DUOX1: variants seen among roughly 807,000 people sequenced by gnomAD.
DUOX1 encodes dual oxidase 1, also known as NADPH thyroid oxidase 1.
Under a neutral mutation model 181.8 loss-of-function variants are expected in DUOX1, and 134 were observed. The ratio of observed to expected loss-of-function variants is 0.74; its 90% CI spans 0.64 to 0.85. The LOEUF (loss-of-function observed/expected upper bound fraction) is 0.85. Ranked by LOEUF, DUOX1 falls within the 40% of genes least tolerant of loss-of-function variation. The pLI is 0.00. For missense variants in DUOX1, 1,814 were observed against 2,064.4 expected (o/e 0.88, Z 2.35); for synonymous variants, 798 against 832.5 (o/e 0.96, Z 0.71).
At chr15:45,139,998 C>CTGG in intron 12 of DUOX1, 1 of 1,101,048 alleles carries the variant, frequency 9.1e-7, no homozygotes, top group Non-Finnish European at 1.3e-6. Context: ...ACCACCTGGA[C>CTGG]TGGTGGCCCA....
intron 28 of DUOX1, among the ~76,000 whole-genome samples, chr15:45,158,072 GC>G (rs1897007194): frequency 6.6e-6 from 1 of 152,194 alleles, no homozygotes; most frequent in Non-Finnish European, 1.5e-5. Flanking sequence ...GGCAGGGCTA[GC>G]ACATCAGAGG....
chr15:45,139,712 G>C, intron 12 of DUOX1, 113 bp downstream of exon 12: 1 of 1,178,294 alleles, frequency 8.5e-7, no homozygotes, highest in Non-Finnish European at 1.2e-6. Flanking sequence ...CCTAATGGGA[G>C]GGGCAGGGCT....
At chr15:45,132,062 G>A in intron 2 of DUOX1, 38 bp downstream of exon 2, 3 of 1,553,980 alleles carry the variant, frequency 1.9e-6, no homozygotes, top group Non-Finnish European at 2.6e-6. Flanking sequence ...GTTAGGAGCA[G>A]AGGAACCCAG....
In DUOX1 at chr15:45,161,766, C is replaced by T; in HGVS notation, c.3885C>T (p.Pro1295=). Residue 1295 remains proline (P), a synonymous_variant, in exon 30 of 34, where the codon CCC becomes CCT. Coordinates refer to ENST00000389037, the MANE Select transcript of DUOX1 (RefSeq NM_175940.3). ...SGVTHLRFQR[P]QGFEYKSGQW... is the part of the protein sequence containing the mutation. ...TGACCCACCTGCGGTTCCAGCGGCC[C>T]CAGGGCTTTGAGTACAAGTCAGGGC... 6.2e-7 allele frequency: 1 copy of T among 1,613,920 alleles called. No individual in the cohort carries two copies. Among genetic ancestry groups the T allele is most frequent in the Non-Finnish European group, 8.5e-7 (1 of 1,180,002 alleles).
At chr15:45,161,607 A>C in intron 29 of DUOX1, 131 bp from the exon 30 acceptor site, 1 of 796,366 alleles carries the variant, frequency 1.3e-6, no homozygotes, top group South Asian at 1.7e-5. Context: ...CCACAGGGTG[A>C]GCTTCTGATG....
chr15:45,159,968 A>G (rs1194849787), intron 28 of DUOX1, among the ~76,000 whole-genome samples: 1 of 152,196 alleles, frequency 6.6e-6, no homozygotes, highest in African/African-American at 2.4e-5. Flanking sequence ...CCTGGCCAAC[A>G]TGGTGAAACC....
chr15:45,132,787 T>A (rs1896186646), intron 2 of DUOX1, among the ~76,000 whole-genome samples: 2 of 152,166 alleles, frequency 1.3e-5, no homozygotes, highest in African/African-American at 2.4e-5. Flanking sequence ...TTCCCTCAGC[T>A]CTCACCTCTT....
intron 28 of DUOX1, among the ~76,000 whole-genome samples, chr15:45,157,687 C>T (rs769434464): frequency 4.6e-5 from 7 of 151,860 alleles, no homozygotes; most frequent in African/African-American, 9.7e-5. Flanking sequence ...AGTGTGGTGA[C>T]GCACACCTAT....
chr15:45,145,402 G>C (rs1896624925), intron 18 of DUOX1, among the ~76,000 whole-genome samples: 2 of 152,180 alleles, frequency 1.3e-5, no homozygotes, highest in Admixed American at 1.3e-4. Flanking sequence ...CAGAGACCCA[G>C]AGCAGCGTGG....
At chr15:45,157,804 T>G (rs371720149) in intron 28 of DUOX1, among the ~76,000 whole-genome samples, 2 of 138,868 alleles carry the variant, frequency 1.4e-5, no homozygotes, top group African/African-American at 5.2e-5. Context: ...GGGCAACAGA[T>G]GGACAGCCTG....
intron 31 of DUOX1, among the ~76,000 whole-genome samples, chr15:45,162,635 A>G (rs1183919666): frequency 3.3e-5 from 5 of 152,236 alleles, no homozygotes; most frequent in Admixed American, 1.3e-4. Flanking sequence ...GGGGTGCTCC[A>G]CATAGGATTT....
intron 7 of DUOX1, 46 bp from the exon 8 acceptor site, chr15:45,136,304 C>G (rs745694191): frequency 6.2e-7 from 1 of 1,612,000 alleles, no homozygotes; most frequent in East Asian, 2.2e-5. Context: ...TTCCAGGTCC[C>G]TCCCCATCCA....
intron 12 of DUOX1, chr15:45,140,306 C>A: frequency 3.8e-6 from 1 of 261,956 alleles, no homozygotes; most frequent in East Asian, 8.8e-5. Flanking sequence ...CATGGGGGCT[C>A]GTAAACTTTA....
At chr15:45,161,093 G>C in intron 29 of DUOX1, 103 bp downstream of exon 29, 1 of 1,535,398 alleles carries the variant, frequency 6.5e-7, no homozygotes. Flanking sequence ...AGTGGAGCTG[G>C]CAGGTGCCTT....
intron 25 of DUOX1, chr15:45,152,865 A>C: frequency 7.4e-6 from 3 of 404,762 alleles, no homozygotes; most frequent in East Asian, 5.7e-5. Context: ...TCAGACTCAC[A>C]TGGTTGCGCA....
chr15:45,148,494 A>T, intron 21 of DUOX1, 47 bp downstream of exon 21: 1 of 1,563,632 alleles, frequency 6.4e-7, no homozygotes, highest in Non-Finnish European at 8.7e-7. Context: ...TAGGCATAGT[A>T]GGCACAATGC....
chr15:45,157,115 T>G (rs1388393854), intron 28 of DUOX1, among the ~76,000 whole-genome samples: 1 of 152,224 alleles, frequency 6.6e-6, no homozygotes, highest in Non-Finnish European at 1.5e-5. Flanking sequence ...TTCTCTCAGG[T>G]GCAGTTCTGT....
At position 45,148,215 on chromosome 15, in the gene DUOX1, T is replaced by C. The variant is rs1246755986; in HGVS notation, c.2643-57T>C. On this transcript the variant is annotated intron_variant, in intron 20 of 33. Coordinates refer to ENST00000389037, the MANE Select transcript of DUOX1 (RefSeq NM_175940.3). ...TTGGTGCGATGGAGTCAGTGTGTCC[T>C]GTGTCTGGGTCGCAGGCCCCAGTCA... 20 of 1,609,366 alleles carry C rather than the reference T, an allele frequency of 1.2e-5. No individual in the cohort carries two copies. In the Admixed American group the frequency reaches 3.2e-4, roughly 26 times the overall value.
Position 45,147,613 on chromosome 15 carries a change from C to G in DUOX1, c.2503C>G (p.Leu835Val), listed in dbSNP as rs1389461488. The change falls in exon 19 of 34, where the codon CTG becomes GTG. Residue 835 changes from leucine to valine, a missense_variant. By Grantham distance (32) the Leu-to-Val change is conservative (BLOSUM62 1). Transcript: ENST00000389037. The part of the protein sequence containing the change: ...SLADKDGNGY[L>V]SFREFLDILV... ...GGCTGACAAGGATGGCAATGGCTAC[C>G]TGTCCTTCCGAGAGTTCCTGGACAT... is the stretch of plus-strand genomic sequence containing the variant. 6.2e-7 allele frequency: 1 copy of G among 1,614,204 alleles called. No individual in the cohort carries two copies. Among genetic ancestry groups the G allele is most frequent in the South Asian group, 1.1e-5 (1 of 91,076 alleles).
Sources: gnomAD v4.1 joint callset for allele counts (sites outside exome capture counted in the v4.1 genomes callset) on GRCh38, gnomAD v4.1.1 for gene constraint, MANE v1.5 for transcripts, NCBI Gene and HGNC (gene_info 2026-07-23, HGNC 2026-07-21) for gene names.